NF1: variants seen among roughly 807,000 people sequenced by gnomAD.
NF1 encodes neurofibromin.
Under a neutral mutation model 325.7 loss-of-function variants are expected in NF1, and 122 were observed. The ratio of observed to expected loss-of-function variants is 0.37; its 90% CI spans 0.32 to 0.44. The LOEUF is 0.44. Among genes scored for constraint, NF1 ranks in the 20% least tolerant of loss-of-function variants. The pLI is 1.00. For synonymous variants in NF1, 1,091 were observed against 1,186.0 expected (o/e 0.92, Z 1.65); for missense variants, 2,140 against 3,415.4 (o/e 0.63, Z 9.31).
intron 57 of NF1, chr17:31,361,690 T>C (rs1421666517): frequency 1.3e-5 from 2 of 152,164 alleles, no homozygotes; most frequent in African/African-American, 2.4e-5. Flanking sequence ...AAAAATCCAA[T>C]GACATAACTA....
chr17:31,351,483 C>T (rs1171739539), intron 50 of NF1, among the ~76,000 whole-genome samples: 5 of 152,152 alleles, frequency 3.3e-5, no homozygotes, highest in Non-Finnish European at 5.9e-5. Flanking sequence ...GTAACACAAT[C>T]TCGGCTCACT....
chr17:31,239,129 T>C (rs1022357059), intron 29 of NF1, among the ~76,000 whole-genome samples: 1 of 152,226 alleles, frequency 6.6e-6, no homozygotes, highest in Non-Finnish European at 1.5e-5. Context: ...ATTGGAACTT[T>C]GAAATTGTCA....
chr17:31,254,604 T>C (rs1477155921), intron 31 of NF1, among the ~76,000 whole-genome samples: 1 of 152,192 alleles, frequency 6.6e-6, no homozygotes, highest in Non-Finnish European at 1.5e-5. Context: ...GTTATACTAA[T>C]GCCATTTTGT....
chr17:31,305,270 T>C, intron 36 of NF1: 1 of 1,614,144 alleles, frequency 6.2e-7, no homozygotes, highest in Non-Finnish European at 8.5e-7. Flanking sequence ...GAGGAGGTGT[T>C]GGCTATTGGT....
rs745906742 is a variant in NF1 at position 31,225,149 on chromosome 17, A to G, written c.1900A>G (p.Ile634Val). 7.4e-6 allele frequency: 12 copies of G among 1,613,616 alleles called. No homozygotes were observed. The highest frequency in any genetic ancestry group is 1.7e-5 in the Admixed American group (1 of 59,990). The change falls in exon 17 of 58, where the codon ATT becomes GTT. Residue 634 changes from isoleucine to valine, a missense_variant. Transcript: ENST00000358273. ...CCTTTTTTACGGGGTAGGATGTGAT[A>G]TTCCTTCTAGTGGAAATACCAGTCA... ...FLLFYGVGCDIPSSGNTSQMS... is the reference protein window; with the variant it reads ...FLLFYGVGCDVPSSGNTSQMS...
intron 8 of NF1, among the ~76,000 whole-genome samples, chr17:31,192,977 T>C (rs2905804): frequency 0.7 from 106,704 of 152,024 alleles, 37,714 homozygotes; most frequent in Middle Eastern, 0.84. Flanking sequence ...TAAATTCTGA[T>C]TTAATTACGA....
At chr17:31,344,386 C>G (rs1470757291) in intron 48 of NF1, among the ~76,000 whole-genome samples, 1 of 152,144 alleles carries the variant, frequency 6.6e-6, no homozygotes, top group Non-Finnish European at 1.5e-5. Context: ...TTAATAAGAA[C>G]AGCATGTAGT....
rs1344584928 is a variant in NF1, at chr17:31,377,061, G to GT, written c.*2912dup. ...GTTTTCAGTTTTGTTTGGGTTTTTT[G>GT]TTTTTTGTTTTTGTTTCTACATCCT... is the stretch of plus-strand genomic sequence containing the variant. On this transcript the variant is annotated 3_prime_UTR_variant, in exon 58 of 58. Transcript: ENST00000358273. 2 of 231,426 alleles carry GT rather than the reference G, an allele frequency of 8.6e-6. No homozygotes were observed. Among genetic ancestry groups the GT allele is most frequent in the Non-Finnish European group, 1.7e-5 (2 of 118,032 alleles). The allele number at this position is 231,426 out of a possible 1,614,324, so 14.3% of individuals were successfully genotyped here. A position where few individuals can be genotyped will look rare whatever the true frequency, so the allele number is the denominator to read the frequency against.
chr17:31,344,340 T>C (rs1361901226), intron 48 of NF1, among the ~76,000 whole-genome samples: 1 of 152,198 alleles, frequency 6.6e-6, no homozygotes, highest in Non-Finnish European at 1.5e-5. Context: ...TAACTTTGGT[T>C]CATTAACATG....
chr17:31,282,909 A>C (rs184208974), intron 36 of NF1, among the ~76,000 whole-genome samples: 1 of 152,190 alleles, frequency 6.6e-6, no homozygotes, highest in Non-Finnish European at 1.5e-5. Context: ...ATTTCTGTAC[A>C]TCTTCACCCA....
chr17:31,373,839 A>G (rs1461815854), intron 57 of NF1, among the ~76,000 whole-genome samples, 174 bp from the exon 58 acceptor site: 1 of 152,224 alleles, frequency 6.6e-6, no homozygotes, highest in Non-Finnish European at 1.5e-5. Flanking sequence ...CTTGGTGTGT[A>G]GTAGGCTATG....
chr17:31,201,680 G>C (rs932408559), intron 11 of NF1, among the ~76,000 whole-genome samples, 195 bp downstream of exon 11: 1 of 152,084 alleles, frequency 6.6e-6, no homozygotes, highest in African/African-American at 2.4e-5. Flanking sequence ...AGTCTTGACC[G>C]AAGGGACCAT....
chr17:31,221,140 G>C (rs1438790095), intron 14 of NF1, among the ~76,000 whole-genome samples: 1 of 152,064 alleles, frequency 6.6e-6, no homozygotes, highest in Non-Finnish European at 1.5e-5. Context: ...TGTAGAATTG[G>C]AGTTGAGATA....
At chr17:31,345,329 C>G (rs564957238) in intron 48 of NF1, among the ~76,000 whole-genome samples, 1 of 152,160 alleles carries the variant, frequency 6.6e-6, no homozygotes, top group Non-Finnish European at 1.5e-5. Context: ...GCCTGCGACT[C>G]GGTCCCGGCG....
rs754056905 is a variant in NF1 at position 31,126,119 on chromosome 17, C to T, written c.61-29864C>T. ...AGGGGAATTGCTTGAACCTGGGAGG[C>T]GGAGGTTGCAGTGAGCTGACATCTT... On this transcript the variant is annotated intron_variant, in intron 1 of 57. Coordinates refer to ENST00000358273, the MANE Select transcript of NF1 (RefSeq NM_001042492.3). Among the ~76,000 whole-genome samples, 190 of 151,858 alleles carry T rather than the reference C, an allele frequency of 1.3e-3. 1 individual carries two copies. Among genetic ancestry groups the T allele is most frequent in the Non-Finnish European group, 1.9e-3 (126 of 67,972 alleles).
intron 57 of NF1, among the ~76,000 whole-genome samples, chr17:31,367,572 T>C (rs906512585): frequency 6.6e-6 from 1 of 152,120 alleles, no homozygotes; most frequent in Non-Finnish European, 1.5e-5. Flanking sequence ...AGAGAGTTAA[T>C]AGAGAAAGAG....
Position 31,181,419 on chromosome 17 carries a change from C to T in NF1, c.587-3C>T, listed in dbSNP as rs375188075. 1.2e-5 allele frequency: 20 copies of T among 1,611,982 alleles called. No homozygotes were observed. The highest frequency in any genetic ancestry group is 1.7e-5 in the Non-Finnish European group (20 of 1,178,936). ...TAATTTTTAAAAATTGTGTTTTTTC[C>T]AGAAACAGCATTTAAATTTAAAGCC... On this transcript the variant is annotated splice_polypyrimidine_tract_variant and splice_region_variant and intron_variant, in intron 5 of 57. Coordinates refer to ENST00000358273, the MANE Select transcript of NF1 (RefSeq NM_001042492.3).
chr17:31,276,351 C>A (rs1034288661), intron 36 of NF1, among the ~76,000 whole-genome samples: 1 of 152,014 alleles, frequency 6.6e-6, no homozygotes, highest in African/African-American at 2.4e-5. Context: ...TTTCCCTTCA[C>A]ATTAGCATAA....
At chr17:31,289,466 T>C (rs562546874) in intron 36 of NF1, among the ~76,000 whole-genome samples, 1 of 152,256 alleles carries the variant, frequency 6.6e-6, no homozygotes, top group East Asian at 1.9e-4. Flanking sequence ...GTTCTTTTCT[T>C]AGATCTCTTG....
Sources: gnomAD v4.1 joint callset for allele counts (sites outside exome capture counted in the v4.1 genomes callset) on GRCh38, gnomAD v4.1.1 for gene constraint, MANE v1.5 for transcripts, NCBI Gene and HGNC (gene_info 2026-07-23, HGNC 2026-07-21) for gene names.